PIP5K1B: variants seen among roughly 807,000 people sequenced by gnomAD.
PIP5K1B encodes phosphatidylinositol 4-phosphate 5-kinase type-1 beta.
PIP5K1B carries 42 observed loss-of-function variants against 67.0 expected under a neutral mutation model. That is an observed-to-expected ratio of 0.63 (90% CI 0.49 to 0.81). The LOEUF is 0.81. Among genes scored for constraint, PIP5K1B ranks in the 30% least tolerant of loss-of-function variants. The probability of loss-of-function intolerance (pLI) is 0.00; values close to 1 mark genes in which losing one functional copy is unlikely to be tolerated. For synonymous variants in PIP5K1B, 214 were observed against 231.4 expected (o/e 0.92, Z 0.68); for missense variants, 459 against 646.3 (o/e 0.71, Z 3.14).
At chr9:68,760,996 T>A (rs563476217) in intron 2 of PIP5K1B, among the ~76,000 whole-genome samples, 2 of 152,246 alleles carry the variant, frequency 1.3e-5, no homozygotes, top group Admixed American at 1.3e-4. Flanking sequence ...ATATGTAGCA[T>A]TTAATCCTAG....
In PIP5K1B at chr9:68,852,337, G is replaced by A. The variant is rs189165682; in HGVS notation, c.70-11500G>A. Among the ~76,000 whole-genome samples, 149 of 151,936 alleles carry A rather than the reference G, an allele frequency of 9.8e-4. 2 individuals carry two copies. In the East Asian group the frequency reaches 0.026, roughly 27 times the overall value. On this transcript the variant is annotated intron_variant, in intron 4 of 15. Coordinates refer to ENST00000265382, the MANE Select transcript of PIP5K1B (RefSeq NM_003558.4). The stretch of plus-strand genomic sequence containing the variant: ...TGAGGCAAAATGTACCTTGTTACCC[G>A]CCTCCCCCACACCGCCCCCCAAGCC...
intron 2 of PIP5K1B, among the ~76,000 whole-genome samples, chr9:68,761,292 A>G (rs908025648): frequency 1.3e-5 from 2 of 152,118 alleles, no homozygotes; most frequent in Admixed American, 6.6e-5. Flanking sequence ...AAATTGCTGC[A>G]AAGTATTATG....
Position 68,828,573 on chromosome 9 carries a change from G to A in PIP5K1B, c.69+5890G>A, listed in dbSNP as rs1834111558. ...GGTGAGGAAGGAGGAAATAGTACCT[G>A]ACCGTGACCACATTCCAAGGAAAGA... On this transcript the variant is annotated intron_variant, in intron 4 of 15. Coordinates refer to ENST00000265382, the MANE Select transcript of PIP5K1B (RefSeq NM_003558.4). Among the ~76,000 whole-genome samples the A allele has an allele frequency of 3.3e-5, 5 of 152,324 alleles. 1 individual carries two copies. The South Asian group carries it at 8.3e-4, about 25-fold the overall frequency.
At chr9:68,726,080 T>C (rs563224871) in intron 1 of PIP5K1B, among the ~76,000 whole-genome samples, 39 of 152,238 alleles carry the variant, frequency 2.6e-4, no homozygotes, top group Non-Finnish European at 4.4e-4. Flanking sequence ...CAAATGCTAA[T>C]GAAAATCTTA....
At chr9:68,799,421 G>A (rs1269916914) in intron 2 of PIP5K1B, among the ~76,000 whole-genome samples, 1 of 152,136 alleles carries the variant, frequency 6.6e-6, no homozygotes, top group African/African-American at 2.4e-5. Context: ...CCACAAAGGA[G>A]CCCAAATAGC....
intron 13 of PIP5K1B, among the ~76,000 whole-genome samples, chr9:68,938,920 G>T (rs1564251874): frequency 6.6e-6 from 1 of 152,180 alleles, no homozygotes; most frequent in African/African-American, 2.4e-5. Flanking sequence ...TCTAGACCCA[G>T]ATTTAAAGGG....
intron 12 of PIP5K1B, among the ~76,000 whole-genome samples, chr9:68,925,870 T>C (rs1826673354): frequency 1.4e-5 from 2 of 145,132 alleles, no homozygotes; most frequent in Admixed American, 1.5e-4. Flanking sequence ...TGATTTCAGC[T>C]CACTGCAACC....
At chr9:68,938,376 C>G (rs866113296) in intron 13 of PIP5K1B, among the ~76,000 whole-genome samples, 12 of 152,170 alleles carry the variant, frequency 7.9e-5, no homozygotes, top group Middle Eastern at 6.8e-3. Context: ...CTCTTTTGAT[C>G]TTTGTTGGTT....
At chr9:68,980,620 C>T (rs1403790063) in intron 14 of PIP5K1B, among the ~76,000 whole-genome samples, 1 of 152,162 alleles carries the variant, frequency 6.6e-6, no homozygotes, top group Non-Finnish European at 1.5e-5. Context: ...CAAACTGATC[C>T]TCTTGCTGGC....
intron 2 of PIP5K1B, among the ~76,000 whole-genome samples, chr9:68,763,558 G>A (rs919701870): frequency 2.0e-5 from 3 of 152,000 alleles, no homozygotes; most frequent in African/African-American, 7.2e-5. Flanking sequence ...CTGTGCTAAG[G>A]AGTTTTGACA....
At chr9:68,872,466 C>T (rs1000790910) in intron 5 of PIP5K1B, among the ~76,000 whole-genome samples, 6 of 152,184 alleles carry the variant, frequency 3.9e-5, no homozygotes, top group Non-Finnish European at 7.3e-5. Context: ...GTGCTGAGCA[C>T]GGAGGGCTCA....
intron 2 of PIP5K1B, among the ~76,000 whole-genome samples, chr9:68,755,791 G>T (rs1829897165): frequency 6.6e-6 from 1 of 152,198 alleles, no homozygotes; most frequent in African/African-American, 2.4e-5. Flanking sequence ...TTAGAAATGG[G>T]TGGAGCCGGA....
At chr9:68,719,807 A>C (rs977756790) in intron 1 of PIP5K1B, among the ~76,000 whole-genome samples, 1 of 152,206 alleles carries the variant, frequency 6.6e-6, no homozygotes, top group African/African-American at 2.4e-5. Context: ...CTACATGACA[A>C]TTTATAATGC....
At chr9:68,891,080 T>C (rs903645575) in intron 7 of PIP5K1B, among the ~76,000 whole-genome samples, 5 of 152,058 alleles carry the variant, frequency 3.3e-5, no homozygotes, top group African/African-American at 1.2e-4. Context: ...AAACCCCATC[T>C]CTACAAAAAA....
chr9:68,817,570 T>C (rs1833508949), intron 2 of PIP5K1B, among the ~76,000 whole-genome samples: 4 of 151,554 alleles, frequency 2.6e-5, no homozygotes, highest in Admixed American at 2.6e-4. Context: ...GATAGATATA[T>C]AGATTTTTAA....
At chr9:68,901,642 A>G (rs1487960306) in intron 8 of PIP5K1B, among the ~76,000 whole-genome samples, 2 of 152,206 alleles carry the variant, frequency 1.3e-5, no homozygotes, top group African/African-American at 4.8e-5. Flanking sequence ...TAAAATTATG[A>G]GTTTTGGCTA....
At chr9:69,003,799 A>T (rs1018784440) in intron 15 of PIP5K1B, among the ~76,000 whole-genome samples, 12 of 152,184 alleles carry the variant, frequency 7.9e-5, no homozygotes, top group African/African-American at 2.9e-4. Flanking sequence ...TCTGAAAAGT[A>T]AACCGAGGCC....
At chr9:68,822,732 G>A in intron 4 of PIP5K1B, 49 bp downstream of exon 4, 1 of 1,294,796 alleles carries the variant, frequency 7.7e-7, no homozygotes, top group Non-Finnish European at 1.1e-6. Context: ...TTGCTGTTTG[G>A]CACGTGAATA....
At chr9:68,789,188 G>A in intron 2 of PIP5K1B, 2 of 540,304 alleles carry the variant, frequency 3.7e-6, no homozygotes. Flanking sequence ...GTTATCCAGT[G>A]GGAAGTTGGT....
Sources: gnomAD v4.1 joint callset for allele counts (sites outside exome capture counted in the v4.1 genomes callset) on GRCh38, gnomAD v4.1.1 for gene constraint, MANE v1.5 for transcripts, NCBI Gene and HGNC (gene_info 2026-07-23, HGNC 2026-07-21) for gene names.